DIP2C: variants seen among roughly 807,000 people sequenced by gnomAD.
DIP2C encodes DIP2 acetate--CoA ligase C (putative), also known as disco-interacting protein 2 homolog C.
A neutral mutation model predicts 192.4 loss-of-function variants in DIP2C; 33 were observed. The observed-to-expected ratio is 0.17, with a 90% CI of 0.13 to 0.23. DIP2C has a LOEUF of 0.23. Among genes scored for constraint, DIP2C ranks in the 10% least tolerant of loss-of-function variants. The pLI is 1.00. For missense variants in DIP2C, 1,537 were observed against 2,110.1 expected (o/e 0.73, Z 5.32); for synonymous variants, 979 against 864.1 (o/e 1.13, Z -2.33).
At chr10:504,125 T>A (rs538091431) in intron 1 of DIP2C, among the ~76,000 whole-genome samples, 1 of 152,342 alleles carries the variant, frequency 6.6e-6, no homozygotes, top group East Asian at 1.9e-4. Flanking sequence ...TCAACCTAAC[T>A]GCCTTCCTAA....
intron 1 of DIP2C, among the ~76,000 whole-genome samples, chr10:493,800 C>A (rs1844623630): frequency 6.6e-6 from 1 of 152,248 alleles, no homozygotes; most frequent in African/African-American, 2.4e-5. Context: ...TTTAAACACT[C>A]CACAAGCACT....
At chr10:485,285 C>T (rs1335191785) in intron 2 of DIP2C, among the ~76,000 whole-genome samples, 1 of 152,200 alleles carries the variant, frequency 6.6e-6, no homozygotes, top group Non-Finnish European at 1.5e-5. Flanking sequence ...AGGGACAGGG[C>T]GGGGGCAGCT....
At chr10:533,072 A>T (rs989272908) in intron 1 of DIP2C, among the ~76,000 whole-genome samples, 4 of 152,134 alleles carry the variant, frequency 2.6e-5, no homozygotes, top group African/African-American at 9.7e-5. Context: ...AACCCCACTT[A>T]CATAGATCCC....
chr10:572,229 T>C (rs1259274854), intron 1 of DIP2C, among the ~76,000 whole-genome samples: 2 of 152,246 alleles, frequency 1.3e-5, no homozygotes, highest in Admixed American at 6.5e-5. Context: ...GCACCTGGCA[T>C]GTGTGCAGCA....
chr10:444,854 C>G (rs1251098912), intron 3 of DIP2C, among the ~76,000 whole-genome samples: 1 of 152,194 alleles, frequency 6.6e-6, no homozygotes, highest in Non-Finnish European at 1.5e-5. Flanking sequence ...TACGTTGTTT[C>G]CAGTTTTTGG....
intron 1 of DIP2C, among the ~76,000 whole-genome samples, chr10:538,369 G>T (rs1416838498): frequency 6.6e-6 from 1 of 152,136 alleles, no homozygotes; most frequent in Non-Finnish European, 1.5e-5. Context: ...TGCCTAGCCT[G>T]GTCTCAAACT....
At chr10:431,900 T>TA (rs1211819545) in intron 4 of DIP2C, among the ~76,000 whole-genome samples, 1 of 152,214 alleles carries the variant, frequency 6.6e-6, no homozygotes, top group Non-Finnish European at 1.5e-5. Context: ...CCATATTCTT[T>TA]ATCAAGTTGA....
rs537741194 is a variant in DIP2C at position 636,945 on chromosome 10, C to T, written c.85+52549G>A. On this transcript the variant is annotated intron_variant, in intron 1 of 36. Coordinates refer to ENST00000280886, the MANE Select transcript of DIP2C (RefSeq NM_014974.3). This position sits in a 1 kb window ranked among gnomAD's most constrained non-coding sequence, Gnocchi z 4.6. ...GTCCTGCTCCCCGACGGCATAGCTG[C>T]GACCGGCACCACATGGGACTCGTGT... is the stretch of plus-strand genomic sequence containing the variant. Among the ~76,000 whole-genome samples, 3 of 152,364 alleles carry T rather than the reference C, an allele frequency of 2.0e-5. No homozygotes were observed. Among genetic ancestry groups the T allele is most frequent in the South Asian group, 4.1e-4 (2 of 4,822 alleles).
In DIP2C at chr10:363,431, A is replaced by C; in HGVS notation, c.2478-120T>G. ...GACACAGCTCCAACTACGACTTCAAAACGGCCGCTGTACTTCCGAATTTCC... is the reference window on the plus strand; with the variant it reads ...GACACAGCTCCAACTACGACTTCAACACGGCCGCTGTACTTCCGAATTTCC... On this transcript the variant is annotated intron_variant, in intron 20 of 36. Coordinates refer to ENST00000280886, the MANE Select transcript of DIP2C (RefSeq NM_014974.3). The surrounding 1 kb of genome is among the most constrained non-coding windows in gnomAD (Gnocchi z 5.4). 4 of 791,986 alleles carry C rather than the reference A, an allele frequency of 5.1e-6. No individual in the cohort carries two copies. Among genetic ancestry groups the C allele is most frequent in the Non-Finnish European group, 6.1e-6 (3 of 489,984 alleles). The allele number at this position is 791,986 out of a possible 1,614,324, so 49.1% of individuals were successfully genotyped here. A position where few individuals can be genotyped will look rare whatever the true frequency, so the allele number is the denominator to read the frequency against.
chr10:471,541 T>A (rs1190419208), intron 3 of DIP2C, among the ~76,000 whole-genome samples: 1 of 152,154 alleles, frequency 6.6e-6, no homozygotes, highest in Non-Finnish European at 1.5e-5. Context: ...GAAAGCTCCA[T>A]GTGAGAACAA....
intron 1 of DIP2C, among the ~76,000 whole-genome samples, chr10:554,490 G>T (rs1364074494): frequency 2.0e-5 from 3 of 152,346 alleles, no homozygotes; most frequent in African/African-American, 7.2e-5. Flanking sequence ...ACTGTCAAGG[G>T]TGGTTATAAG....
intron 22 of DIP2C, among the ~76,000 whole-genome samples, chr10:359,439 GGCGACGTGTAGGA>G (rs1479676191): frequency 6.6e-6 from 1 of 152,218 alleles, no homozygotes; most frequent in African/African-American, 2.4e-5. Flanking sequence ...TTGGGTTCTA[GGCGACGTGTAGGA>G]GCCTCGAGTC....
chr10:603,446 G>A (rs187703030), intron 1 of DIP2C, among the ~76,000 whole-genome samples: 23 of 151,554 alleles, frequency 1.5e-4, no homozygotes, highest in African/African-American at 4.1e-4. Context: ...TGATGTGCTT[G>A]AAGTTTTAAT....
intron 1 of DIP2C, among the ~76,000 whole-genome samples, chr10:506,758 G>A (rs1845617766): frequency 6.6e-6 from 1 of 152,214 alleles, no homozygotes; most frequent in African/African-American, 2.4e-5. Flanking sequence ...ACGGAGGAGG[G>A]GCTTAGCGAG....
At chr10:444,684 T>G (rs919495273) in intron 3 of DIP2C, among the ~76,000 whole-genome samples, 1 of 152,102 alleles carries the variant, frequency 6.6e-6, no homozygotes, top group Admixed American at 6.5e-5. Context: ...TCACATGGAC[T>G]CCACAGCATG....
Position 289,340 on chromosome 10 carries a change from G to A in DIP2C, c.3987-919C>T, listed in dbSNP as rs536956346. 3.9e-5 allele frequency among the ~76,000 whole-genome samples: 6 copies of A among 152,070 alleles called. No individual in the cohort carries two copies. In the South Asian group the frequency reaches 1.0e-3, roughly 26 times the overall value. On this transcript the variant is annotated intron_variant, in intron 32 of 36. Transcript: ENST00000280886. ...CCTGGAGTACAGTGGCACAATCATG[G>A]CTCATCGCAGTCTGACCGCCTGGCC...
At chr10:493,426 T>C (rs1271072866) in intron 1 of DIP2C, among the ~76,000 whole-genome samples, 1 of 152,206 alleles carries the variant, frequency 6.6e-6, no homozygotes, top group Non-Finnish European at 1.5e-5. Flanking sequence ...TCAGTGGATG[T>C]TGTATTTACA....
At chr10:424,902 C>G (rs1966472419) in intron 4 of DIP2C, among the ~76,000 whole-genome samples, 1 of 152,198 alleles carries the variant, frequency 6.6e-6, no homozygotes, top group Non-Finnish European at 1.5e-5. Flanking sequence ...AAACAAACAG[C>G]ATATGACACG....
At chr10:542,662 T>C (rs979892673) in intron 1 of DIP2C, among the ~76,000 whole-genome samples, 1 of 152,222 alleles carries the variant, frequency 6.6e-6, no homozygotes, top group Non-Finnish European at 1.5e-5. Context: ...ATCCCAGTTC[T>C]TATCAGATTG....
Sources: allele counts gnomAD v4.1 joint callset (sites outside exome capture counted in the v4.1 genomes callset), GRCh38; gene constraint gnomAD v4.1.1; non-coding constraint Gnocchi (gnomAD v3.1); transcripts MANE v1.5; gene names NCBI Gene and HGNC (gene_info 2026-07-23, HGNC 2026-07-21).